Variants in EIF5B observed in about 807,000 individuals in gnomAD.
EIF5B encodes eukaryotic translation initiation factor 5B, also known as eIF-5B.
In EIF5B, 47 loss-of-function variants were observed where a neutral mutation model predicts 147.5. That is an observed-to-expected ratio of 0.32 (90% CI 0.25 to 0.41). The LOEUF (loss-of-function observed/expected upper bound fraction) is 0.41. Among genes scored for constraint, EIF5B ranks in the 10% least tolerant of loss-of-function variants. The pLI is 1.00. For synonymous variants in EIF5B, 455 were observed against 456.2 expected (o/e 1.00, Z 0.03); for missense variants, 1,064 against 1,413.2 (o/e 0.75, Z 3.96).
At chr2:99,355,985 C>G (rs1008274248) in intron 1 of EIF5B, among the ~76,000 whole-genome samples, 1 of 152,150 alleles carries the variant, frequency 6.6e-6, no homozygotes, top group African/African-American at 2.4e-5. Flanking sequence ...ACAGAGTCTC[C>G]ATGTGCCCCA....
chr2:99,361,013 A>G, intron 3 of EIF5B, 135 bp from the exon 4 acceptor site: 1 of 953,314 alleles, frequency 1.0e-6, no homozygotes. Flanking sequence ...TGAATTTTAT[A>G]TTCCTGTGAA....
rs1674220600 is a variant in EIF5B, at chr2:99,361,807, C to T, written c.906C>T (p.Pro302=). The stretch of plus-strand genomic sequence containing the variant: ...CCTCTGAAGAGAAAGCAGAGACTCC[C>T]ACAGCTGCAGAAGGTTGGTTAATAC... ...IPASEEKAET[P]TAAEDDNEGD... is the part of the protein sequence containing the mutation. Residue 302 remains proline, a synonymous_variant, in exon 4 of 24, where the codon CCC becomes CCT. Transcript: ENST00000289371. 1.3e-6 allele frequency: 2 copies of T among 1,546,640 alleles called. No individual in the cohort carries two copies. Among genetic ancestry groups the T allele is most frequent in the Non-Finnish European group, 1.7e-6 (2 of 1,157,454 alleles).
chr2:99,364,438 A>G lies in EIF5B; in HGVS notation c.1288+17A>G, dbSNP rs779952817. On this transcript the variant is annotated intron_variant, in intron 6 of 23. Transcript: ENST00000289371. ...AAGCTCAGGGTGAGTGGTACTCTTC[A>G]TTAACTGAATGGTCAGAGAGCTCTG... 2 of 1,566,584 alleles carry G rather than the reference A, an allele frequency of 1.3e-6. No individual in the cohort carries two copies. The highest frequency in any genetic ancestry group is 2.8e-5 in the African/African-American group (2 of 72,480).
At chr2:99,357,469 G>T (rs577950921) in intron 1 of EIF5B, among the ~76,000 whole-genome samples, 2 of 152,254 alleles carry the variant, frequency 1.3e-5, no homozygotes, top group African/African-American at 4.8e-5. Flanking sequence ...CTAGGCATTG[G>T]TCAGCACAAT....
At chr2:99,392,131 G>A (rs551165238) in intron 17 of EIF5B, among the ~76,000 whole-genome samples, 3 of 152,064 alleles carry the variant, frequency 2.0e-5, no homozygotes, top group South Asian at 4.2e-4. Flanking sequence ...GATGGGAAAT[G>A]TAGGTGATCT....
intron 14 of EIF5B, among the ~76,000 whole-genome samples, chr2:99,389,271 CAG>C (rs1245477523): frequency 6.6e-6 from 1 of 152,160 alleles, no homozygotes; most frequent in African/African-American, 2.4e-5. Context: ...ATTAACAAAA[CAG>C]ATTTAATCCT....
At chr2:99,352,522 T>G (rs1448543240) in intron 1 of EIF5B, among the ~76,000 whole-genome samples, 1 of 149,854 alleles carries the variant, frequency 6.7e-6, no homozygotes, top group Non-Finnish European at 1.5e-5. Flanking sequence ...TTGCTAATTG[T>G]GTCTTTTTTT....
intron 20 of EIF5B, 43 bp downstream of exon 20, chr2:99,394,628 C>T (rs1675006253): frequency 6.2e-7 from 1 of 1,612,986 alleles, no homozygotes; most frequent in Non-Finnish European, 8.5e-7. Context: ...TGTTACGTAG[C>T]TATCTTAAAA....
chr2:99,367,706 C>T (rs928969269), intron 6 of EIF5B, among the ~76,000 whole-genome samples: 1 of 152,112 alleles, frequency 6.6e-6, no homozygotes, highest in African/African-American at 2.4e-5. Context: ...CCACCCACCT[C>T]GGCTTCCCAA....
intron 1 of EIF5B, among the ~76,000 whole-genome samples, chr2:99,337,979 A>G (rs74633464): frequency 0.03 from 4,625 of 152,248 alleles, 236 homozygotes; most frequent in East Asian, 0.15. Flanking sequence ...ACCTGTGAGT[A>G]CTTTGGGAGG....
chr2:99,356,650 C>G (rs1674102055), intron 1 of EIF5B, among the ~76,000 whole-genome samples: 1 of 151,966 alleles, frequency 6.6e-6, no homozygotes. Flanking sequence ...TTGGCATTTT[C>G]TTGTTTGTGT....
Position 99,394,127 on chromosome 2 carries a change from C to T in EIF5B, c.2881-140C>T, listed in dbSNP as rs532706364. On this transcript the variant is annotated intron_variant, in intron 18 of 23. Coordinates refer to ENST00000289371, the MANE Select transcript of EIF5B (RefSeq NM_015904.4). ...CTCCTCCTTCATTCCAGCACAGGTT[C>T]TGTGATGCCTTGCTCTATCTAAGCC... The T allele has an allele frequency of 3.7e-6, 4 of 1,082,814 alleles. No individual in the cohort carries two copies. The African/African-American group carries it at 6.3e-5, about 17-fold the overall frequency. 67.1% of individuals were successfully genotyped at this position (1,082,814 alleles called of 1,614,324 possible). A position where few individuals can be genotyped will look rare whatever the true frequency, so the allele number is the denominator to read the frequency against.
At chr2:99,359,196 A>G (rs1362413033) in intron 1 of EIF5B, among the ~76,000 whole-genome samples, 4 of 137,446 alleles carry the variant, frequency 2.9e-5, no homozygotes, top group African/African-American at 7.9e-5. Flanking sequence ...CCCCGTCTCT[A>G]CTTAAAATAC....
rs770855594 is a variant in EIF5B, at chr2:99,376,489, A to T, written c.1695A>T (p.Glu565Asp). ...GTGAAGGCAGTGAAGGTGATGAGGA[A>T]GATGAAAAGGTGTCAGATGAGAAGG... is the stretch of plus-strand genomic sequence containing the variant. Reference protein sequence around the residue: ...GESEGSEGDEEDEKVSDEKDS... With the variant: ...GESEGSEGDEDDEKVSDEKDS... Residue 565 changes from glutamate to aspartate, a missense_variant, in exon 10 of 24, where the codon GAA (glutamate) becomes GAT (aspartate). Glu to Asp is a conservative substitution (Grantham distance 45). Around this residue, in one of 4 missense-constraint regions of EIF5B, gnomAD observed 195 missense variants for 186.3 expected, o/e 1.05. Transcript: ENST00000289371. 8 of 1,613,334 alleles carry T rather than the reference A, an allele frequency of 5.0e-6. No homozygotes were observed. In the Admixed American group the frequency reaches 1.3e-4, roughly 27 times the overall value.
intron 23 of EIF5B, 179 bp from the exon 24 acceptor site, chr2:99,399,128 T>G: frequency 1.3e-6 from 1 of 769,406 alleles, no homozygotes; most frequent in Non-Finnish European, 2.0e-6. Context: ...TTAGGTCCCC[T>G]CGTGCCTGAC....
rs764562903 is a variant in EIF5B, at chr2:99,363,963, G to C, written c.1137+101G>C. 326 of 1,241,212 alleles carry C rather than the reference G, an allele frequency of 2.6e-4. 1 individual carries two copies. The highest frequency in any genetic ancestry group is 3.6e-4 in the Non-Finnish European group (320 of 892,552). 76.9% of individuals were successfully genotyped at this position (1,241,212 alleles called of 1,614,324 possible). ...TTCTAATTCTGAAAATTTCATAGTT[G>C]CATGGTAATTCAGTTATATTATTGT... On this transcript the variant is annotated intron_variant, in intron 5 of 23. Coordinates refer to ENST00000289371, the MANE Select transcript of EIF5B (RefSeq NM_015904.4).
In EIF5B at chr2:99,394,388, C is replaced by T. The variant is rs755695011; in HGVS notation, c.3002C>T (p.Ser1001Leu). 3.3e-5 allele frequency: 54 copies of T among 1,613,802 alleles called. No homozygotes were observed. The highest frequency in any genetic ancestry group is 3.8e-5 in the Non-Finnish European group (45 of 1,179,980). ...LEALLEFLKT[S>L]EVPYAGINIG... is the part of the protein sequence containing the mutation. ...GCTCTACTGGAATTTCTGAAAACAT[C>T]AGAAGTGCCCGTAAGTAACTACAAC... Residue 1001 changes from serine to leucine, a missense_variant, in exon 19 of 24, where the codon TCA becomes TTA. By Grantham distance (145) the Ser-to-Leu change is moderately radical. This residue lies in a region of EIF5B where 380 missense variants were observed against 715.6 expected (regional missense o/e 0.53). Coordinates refer to ENST00000289371, the MANE Select transcript of EIF5B (RefSeq NM_015904.4).
chr2:99,361,093 A>C, intron 3 of EIF5B, 55 bp from the exon 4 acceptor site: 2 of 1,390,668 alleles, frequency 1.4e-6, no homozygotes, highest in Non-Finnish European at 1.9e-6. Flanking sequence ...GAAGCACATG[A>C]CTCTGGTCTC....
intron 3 of EIF5B, 90 bp from the exon 4 acceptor site, chr2:99,361,058 G>A: frequency 8.5e-7 from 1 of 1,177,774 alleles, no homozygotes; most frequent in Non-Finnish European, 1.1e-6. Context: ...ATCATTTTGA[G>A]ATTTTTAAAA....
Sources: allele counts gnomAD v4.1 joint callset (sites outside exome capture counted in the v4.1 genomes callset), GRCh38; gene constraint gnomAD v4.1.1; regional missense constraint gnomAD v4.1.1; transcripts MANE v1.5; gene names NCBI Gene and HGNC (gene_info 2026-07-23, HGNC 2026-07-21).